PILRA: variants seen among roughly 807,000 people sequenced by gnomAD.
PILRA encodes the protein paired immunoglobulin-like type 2 receptor alpha.
In PILRA, 37 loss-of-function variants were observed where a neutral mutation model predicts 33.1. That is an observed-to-expected ratio of 1.12 (90% CI 0.86 to 1.47). The LOEUF (loss-of-function observed/expected upper bound fraction) is 1.47. PILRA is among the 40% of genes most tolerant of loss of function. PILRA has a pLI of 0.00. For synonymous variants in PILRA, 146 were observed against 149.9 expected (o/e 0.97, Z 0.19); for missense variants, 312 against 376.2 (o/e 0.83, Z 1.41).
chr7:100,382,091 T>C (rs1253530470), intron 2 of PILRA, among the ~76,000 whole-genome samples: 2 of 142,236 alleles, frequency 1.4e-5, no homozygotes, highest in Non-Finnish European at 1.5e-5. Context: ...CCCGGTCCCA[T>C]CGACCGCCCA....
Position 100,389,758 on chromosome 7 carries a change from C to CT in PILRA, c.455-129dup. 5.5e-6 allele frequency: 4 copies of CT among 722,338 alleles called. No homozygotes were observed. In the East Asian group the frequency reaches 1.0e-4, roughly 19 times the overall value. 44.7% of individuals were successfully genotyped at this position (722,338 alleles called of 1,614,324 possible). A position where few individuals can be genotyped will look rare whatever the true frequency, so the allele number is the denominator to read the frequency against. On this transcript the variant is annotated intron_variant, in intron 2 of 6. Coordinates refer to ENST00000198536, the MANE Select transcript of PILRA (RefSeq NM_013439.3). ...AACATTTCACCCTGTTCCCCGCTCC[C>CT]TGTGTGGGCTTCAGAGAGGAGCTCC...
At chr7:100,395,578 G>T (rs1417899191) in intron 3 of PILRA, among the ~76,000 whole-genome samples, 1 of 151,978 alleles carries the variant, frequency 6.6e-6, no homozygotes. Flanking sequence ...TACATTAGCA[G>T]CACAAAATAG....
intron 2 of PILRA, among the ~76,000 whole-genome samples, chr7:100,385,852 C>G (rs1791240955): frequency 6.6e-6 from 1 of 152,018 alleles, no homozygotes; most frequent in African/African-American, 2.4e-5. Flanking sequence ...TGGTCTCAGA[C>G]TCCTGACCTT....
intron 2 of PILRA, among the ~76,000 whole-genome samples, chr7:100,385,141 C>T (rs974506529): frequency 6.6e-6 from 1 of 152,184 alleles, no homozygotes; most frequent in Non-Finnish European, 1.5e-5. Flanking sequence ...GCAATATTCG[C>T]ATGCTGTTTA....
At position 100,389,945 on chromosome 7, in the gene PILRA, G is replaced by A; in HGVS notation, c.512G>A (p.Ser171Asn). ...SSMTTTWRLSSTTTTTGLRVT... is the reference protein window; with the variant it reads ...SSMTTTWRLSNTTTTTGLRVT... ...ATGACTACCACCTGGAGGCTCAGTA[G>A]CACAACCACCACAACCGGCCTCAGG... Residue 171 changes from serine to asparagine, a missense_variant, in exon 3 of 7, where the codon AGC becomes AAC. Coordinates refer to ENST00000198536, the MANE Select transcript of PILRA (RefSeq NM_013439.3). 6.2e-7 allele frequency: 1 copy of A among 1,613,998 alleles called. No individual in the cohort carries two copies. Among genetic ancestry groups the A allele is most frequent in the Admixed American group, 1.7e-5 (1 of 59,998 alleles).
chr7:100,398,994 T>TG (rs1791566523), intron 4 of PILRA, among the ~76,000 whole-genome samples: 1 of 151,770 alleles, frequency 6.6e-6, no homozygotes, highest in South Asian at 2.1e-4. Flanking sequence ...CAGGCTGGAG[T>TG]GCAGTGGCGC....
intron 2 of PILRA, among the ~76,000 whole-genome samples, chr7:100,380,298 C>T (rs1044950611): frequency 6.6e-6 from 1 of 152,090 alleles, no homozygotes; most frequent in Admixed American, 6.6e-5. Context: ...ACGCAAAGAA[C>T]AAAACAAACA....
At chr7:100,397,843 G>A (rs773067929) in intron 3 of PILRA, 36 bp from the exon 4 acceptor site, 28 of 1,609,222 alleles carry the variant, frequency 1.7e-5, no homozygotes, top group Admixed American at 1.2e-4. Context: ...GCCATCACCC[G>A]GATGCCACCC....
At chr7:100,399,714 T>C in intron 6 of PILRA, 71 bp from the exon 7 acceptor site, 1 of 1,611,982 alleles carries the variant, frequency 6.2e-7, no homozygotes, top group East Asian at 2.2e-5. Context: ...AGTCAAACTG[T>C]AGGCTTGCCG....
intron 2 of PILRA, among the ~76,000 whole-genome samples, chr7:100,375,125 A>C (rs1790915919): frequency 6.6e-6 from 1 of 150,512 alleles, no homozygotes. Flanking sequence ...TGCAGCCCCC[A>C]CTTTCCCTGA....
chr7:100,377,294 G>A (rs1790976192), intron 2 of PILRA, among the ~76,000 whole-genome samples: 1 of 128,914 alleles, frequency 7.8e-6, no homozygotes, highest in Non-Finnish European at 1.5e-5. Context: ...AGGCTGGAGT[G>A]CAGTGGCATG....
intron 3 of PILRA, 93 bp from the exon 4 acceptor site, chr7:100,397,786 A>T: frequency 7.5e-7 from 1 of 1,340,712 alleles, no homozygotes; most frequent in South Asian, 1.2e-5. Flanking sequence ...GGTCCCTCTA[A>T]GGAGGGCCTC....
chr7:100,383,282 G>C (rs1791161170), intron 2 of PILRA, among the ~76,000 whole-genome samples: 1 of 152,146 alleles, frequency 6.6e-6, no homozygotes, highest in South Asian at 2.1e-4. Flanking sequence ...AGGAACTGTG[G>C]CCTCTGGAGT....
intron 2 of PILRA, among the ~76,000 whole-genome samples, chr7:100,381,834 G>A (rs1308333227): frequency 2.6e-5 from 4 of 152,214 alleles, no homozygotes; most frequent in Non-Finnish European, 5.9e-5. Flanking sequence ...TGGCCGGCCG[G>A]CCCCGGGCAG....
intron 3 of PILRA, among the ~76,000 whole-genome samples, chr7:100,394,593 C>CAA (rs60131231): frequency 4.5e-3 from 211 of 46,890 alleles, no homozygotes; most frequent in East Asian, 5.5e-3. Context: ...GATTCTATCT[C>CAA]AAAAAAAAAA....
intron 2 of PILRA, among the ~76,000 whole-genome samples, chr7:100,382,504 T>C (rs1370381546): frequency 1.3e-5 from 2 of 152,178 alleles, no homozygotes; most frequent in Non-Finnish European, 2.9e-5. Context: ...GGAGAACTTT[T>C]GTGTCTAGCT....
chr7:100,399,187 T>A (rs1311062996), intron 4 of PILRA, 104 bp from the exon 5 acceptor site: 3 of 724,062 alleles, frequency 4.1e-6, no homozygotes, highest in Non-Finnish European at 7.2e-6. Flanking sequence ...AATGGCCACC[T>A]GCCTCAGTCT....
At chr7:100,374,732 C>T (rs1345278150) in intron 2 of PILRA, 2 of 454,956 alleles carry the variant, frequency 4.4e-6, no homozygotes, top group East Asian at 8.9e-5. Flanking sequence ...ATTCTTTCTC[C>T]AAAATGAGGC....
intron 2 of PILRA, among the ~76,000 whole-genome samples, chr7:100,379,801 C>T (rs979118444): frequency 6.6e-6 from 1 of 151,942 alleles, no homozygotes; most frequent in Admixed American, 6.6e-5. Flanking sequence ...AAGAAATCCT[C>T]AAGAACAAGA....
Sources: gnomAD v4.1 joint callset for allele counts (sites outside exome capture counted in the v4.1 genomes callset) on GRCh38, gnomAD v4.1.1 for gene constraint, MANE v1.5 for transcripts, NCBI Gene and HGNC (gene_info 2026-07-23, HGNC 2026-07-21) for gene names.